ASIC2: variants seen among roughly 807,000 people sequenced by gnomAD.
The protein encoded by ASIC2 is acid sensing ion channel subunit 2, also known as acid-sensing ion channel 2.
A neutral mutation model predicts 57.3 loss-of-function variants in ASIC2; 25 were observed. That is an observed-to-expected ratio of 0.44 (90% CI 0.32 to 0.61). ASIC2 has a LOEUF of 0.61. Ranked by LOEUF, ASIC2 falls within the 20% of genes least tolerant of loss-of-function variation. The pLI is 0.06. For synonymous variants in ASIC2, 319 were observed against 307.5 expected, an observed-to-expected ratio of 1.04 and a Z score of -0.39; for missense variants, 641 against 738.1, an observed-to-expected ratio of 0.87 and a Z score of 1.52.
chr17:34,151,163 T>C (rs1248303944), intron 1 of ASIC2, among the ~76,000 whole-genome samples: 2 of 149,400 alleles, frequency 1.3e-5, no homozygotes, highest in Non-Finnish European at 3.0e-5. Flanking sequence ...GAGTAAAGGG[T>C]TCTGGGTTTA....
intron 1 of ASIC2, among the ~76,000 whole-genome samples, chr17:33,696,151 C>T (rs1372105759): frequency 3.3e-5 from 5 of 152,192 alleles, no homozygotes; most frequent in Admixed American, 2.0e-4. Flanking sequence ...TGCCTAGACA[C>T]GGAATTGCTG....
intron 3 of ASIC2, among the ~76,000 whole-genome samples, chr17:33,050,099 C>A (rs943859431): frequency 6.6e-6 from 1 of 152,170 alleles, no homozygotes; most frequent in African/African-American, 2.4e-5. Flanking sequence ...CAACGGAAGA[C>A]CTGAGCCCCA....
At chr17:33,098,934 T>C (rs1193228826) in intron 2 of ASIC2, among the ~76,000 whole-genome samples, 1 of 149,814 alleles carries the variant, frequency 6.7e-6, no homozygotes, top group Non-Finnish European at 1.5e-5. Flanking sequence ...ACAAAATATA[T>C]ATATACACAA....
chr17:34,135,599 A>C (rs1386564479), intron 1 of ASIC2, among the ~76,000 whole-genome samples: 2 of 152,144 alleles, frequency 1.3e-5, no homozygotes, highest in Non-Finnish European at 2.9e-5. Context: ...AAGGTTGAGA[A>C]TCATAGACTT....
chr17:33,037,386 C>T (rs1245391345), intron 3 of ASIC2, among the ~76,000 whole-genome samples: 1 of 144,532 alleles, frequency 6.9e-6, no homozygotes, highest in African/African-American at 2.6e-5. Flanking sequence ...GCCACTTCCC[C>T]CTCTTTTTTT....
intron 1 of ASIC2, among the ~76,000 whole-genome samples, chr17:33,360,288 G>A (rs866925170): frequency 2.0e-5 from 3 of 152,152 alleles, no homozygotes; most frequent in African/African-American, 4.8e-5. Context: ...TGCAAGAACG[G>A]CAACTGTAGT....
intron 1 of ASIC2, among the ~76,000 whole-genome samples, chr17:33,570,140 C>T (rs1463405452): frequency 6.6e-6 from 1 of 152,224 alleles, no homozygotes; most frequent in Non-Finnish European, 1.5e-5. Context: ...CTTCTCTGAA[C>T]TACTAAAGCT....
intron 1 of ASIC2, among the ~76,000 whole-genome samples, chr17:33,931,675 C>A (rs1162275026): frequency 6.6e-6 from 1 of 152,188 alleles, no homozygotes; most frequent in Non-Finnish European, 1.5e-5. Context: ...GTGTTGTCAA[C>A]TGGGAGTGTT....
chr17:33,124,487 T>A (rs958621015), intron 1 of ASIC2, among the ~76,000 whole-genome samples: 1 of 152,222 alleles, frequency 6.6e-6, no homozygotes, highest in African/African-American at 2.4e-5. Context: ...TGGCTGCCAC[T>A]ATGGGTCCTT....
chr17:33,881,342 G>T (rs944926030), intron 1 of ASIC2, among the ~76,000 whole-genome samples: 1 of 152,198 alleles, frequency 6.6e-6, no homozygotes, highest in Admixed American at 6.5e-5. Context: ...CAGATGACAT[G>T]ATTGTATATC....
chr17:33,850,149 G>T (rs1239661165), intron 1 of ASIC2, among the ~76,000 whole-genome samples: 1 of 152,140 alleles, frequency 6.6e-6, no homozygotes. Context: ...CAGGGCTTAT[G>T]GCCCACTGAG....
chr17:33,110,590 G>A (rs2092253592), intron 2 of ASIC2, among the ~76,000 whole-genome samples: 1 of 152,174 alleles, frequency 6.6e-6, no homozygotes, highest in African/African-American at 2.4e-5. Context: ...GGCTGTGATG[G>A]GAGGTAAATG....
intron 1 of ASIC2, among the ~76,000 whole-genome samples, chr17:33,490,947 C>T (rs1462668444): frequency 1.3e-5 from 2 of 152,142 alleles, no homozygotes; most frequent in African/African-American, 2.4e-5. Flanking sequence ...ACTGATACCT[C>T]CACCTGAATT....
chr17:33,878,919 C>A (rs1271052263), intron 1 of ASIC2, among the ~76,000 whole-genome samples: 1 of 152,312 alleles, frequency 6.6e-6, no homozygotes, highest in Admixed American at 6.5e-5. Context: ...TTGGCAGAAA[C>A]TCTACAAGCC....
At chr17:33,703,869 T>C (rs2142071386) in intron 1 of ASIC2, among the ~76,000 whole-genome samples, 1 of 152,286 alleles carries the variant, frequency 6.6e-6, no homozygotes, top group South Asian at 2.1e-4. Flanking sequence ...CCAGAGCTCC[T>C]AAGCTCTGAC....
chr17:33,149,791 A>T (rs1182949607), intron 1 of ASIC2, among the ~76,000 whole-genome samples: 1 of 152,206 alleles, frequency 6.6e-6, no homozygotes, highest in Non-Finnish European at 1.5e-5. Context: ...AAGTTTATTC[A>T]TATTTTAATT....
chr17:33,788,054 G>A (rs1260365864), intron 1 of ASIC2, among the ~76,000 whole-genome samples: 1 of 152,136 alleles, frequency 6.6e-6, no homozygotes. Flanking sequence ...AGCCAAAATT[G>A]ACAAATGGGA....
chr17:33,124,104 A>G (rs1204488730), intron 1 of ASIC2, among the ~76,000 whole-genome samples: 4 of 152,234 alleles, frequency 2.6e-5, no homozygotes, highest in Non-Finnish European at 5.9e-5. Context: ...ATATGGCACT[A>G]AAATCCTCAT....
chr17:33,604,971 T>G (rs545366645), intron 1 of ASIC2, among the ~76,000 whole-genome samples: 82 of 152,288 alleles, frequency 5.4e-4, no homozygotes, highest in African/African-American at 1.8e-3. Context: ...GGTCAGTGGT[T>G]GTTCTACTTC....
Sources: allele counts gnomAD v4.1 joint callset (sites outside exome capture counted in the v4.1 genomes callset), GRCh38; gene constraint gnomAD v4.1.1; transcripts MANE v1.5; gene names NCBI Gene and HGNC (gene_info 2026-07-23, HGNC 2026-07-21).